ATRNL1: variants seen among roughly 807,000 people sequenced by gnomAD.
ATRNL1 encodes attractin-like protein 1.
A neutral mutation model predicts 182.7 loss-of-function variants in ATRNL1; 95 were observed. That is an observed-to-expected ratio of 0.52 (90% CI 0.44 to 0.62). ATRNL1 has a LOEUF of 0.62. Among genes scored for constraint, ATRNL1 ranks in the 20% least tolerant of loss-of-function variants. The pLI is 0.00. For missense variants in ATRNL1, 1,471 were observed against 1,679.5 expected (o/e 0.88, Z 2.17); for synonymous variants, 576 against 568.3 (o/e 1.01, Z -0.19).
chr10:115,197,141 T>C (rs1422079724), intron 8 of ATRNL1, among the ~76,000 whole-genome samples: 2 of 152,140 alleles, frequency 1.3e-5, no homozygotes, highest in African/African-American at 4.8e-5. Flanking sequence ...AAACTTTTGT[T>C]TTTTCATTTT....
At chr10:115,701,548 C>T (rs1180510073) in intron 26 of ATRNL1, among the ~76,000 whole-genome samples, 5 of 151,916 alleles carry the variant, frequency 3.3e-5, no homozygotes, top group Non-Finnish European at 5.9e-5. Context: ...GATTGATAGA[C>T]TGCTAGGTAG....
At chr10:115,518,787 A>G (rs1244659754) in intron 24 of ATRNL1, among the ~76,000 whole-genome samples, 1 of 151,912 alleles carries the variant, frequency 6.6e-6, no homozygotes, top group Non-Finnish European at 1.5e-5. Context: ...GGCTAGTTTC[A>G]CCTTTTAAAA....
intron 24 of ATRNL1, among the ~76,000 whole-genome samples, chr10:115,476,728 G>A (rs1409796672): frequency 1.3e-5 from 2 of 150,668 alleles, no homozygotes; most frequent in African/African-American, 4.9e-5. Flanking sequence ...TTTACATTCT[G>A]TATTTTTATC....
At chr10:115,876,833 T>C (rs1565454927) in intron 28 of ATRNL1, among the ~76,000 whole-genome samples, 1 of 152,226 alleles carries the variant, frequency 6.6e-6, no homozygotes. Flanking sequence ...TAACTATAAA[T>C]CTACCATGTT....
intron 26 of ATRNL1, among the ~76,000 whole-genome samples, chr10:115,693,492 TG>T (rs1316861222): frequency 6.6e-6 from 1 of 152,150 alleles, no homozygotes; most frequent in African/African-American, 2.4e-5. Flanking sequence ...CAAGCTGAAA[TG>T]TAAGACAATT....
chr10:115,155,181 A>G (rs938761692), intron 5 of ATRNL1, among the ~76,000 whole-genome samples: 12 of 150,722 alleles, frequency 8.0e-5, no homozygotes, highest in East Asian at 1.9e-4. Flanking sequence ...TTCAGCCTCT[A>G]TATGTCTTTA....
chr10:115,712,665 G>A (rs781021214), intron 26 of ATRNL1, among the ~76,000 whole-genome samples: 35 of 152,040 alleles, frequency 2.3e-4, no homozygotes, highest in Middle Eastern at 3.4e-3. Flanking sequence ...TCAGGAGTTC[G>A]AGACCAGCCT....
intron 26 of ATRNL1, among the ~76,000 whole-genome samples, chr10:115,675,799 A>T (rs1555042779): frequency 6.6e-6 from 1 of 152,082 alleles, no homozygotes; most frequent in East Asian, 1.9e-4. Context: ...ACATATATTC[A>T]ATTTAATTCT....
Position 115,727,323 on chromosome 10 carries a change from G to A in ATRNL1, c.3871G>A (p.Glu1291Lys). The change falls in exon 27 of 29, where the codon GAA becomes AAA. Residue 1291 changes from glutamate to lysine, a missense_variant. This residue lies in a region of ATRNL1 where 437 missense variants were observed against 506.0 expected (regional missense o/e 0.86). Coordinates refer to ENST00000355044, the MANE Select transcript of ATRNL1 (RefSeq NM_207303.4). ...TGATGTAGCTCTGGAAGTGGGAGCTGAACAAACAGAGTTTCTGCGAGGGCC... is the reference window on the plus strand; with the variant it reads ...TGATGTAGCTCTGGAAGTGGGAGCTAAACAAACAGAGTTTCTGCGAGGGCC... ...SVDVALEVGA[E>K]QTEFLRGPLE... The A allele has an allele frequency of 1.2e-6, 2 of 1,614,096 alleles. No homozygotes were observed. The highest frequency in any genetic ancestry group is 1.7e-6 in the Non-Finnish European group (2 of 1,179,978).
chr10:115,503,676 A>G (rs1565110777), intron 24 of ATRNL1, among the ~76,000 whole-genome samples: 1 of 152,004 alleles, frequency 6.6e-6, no homozygotes, highest in Non-Finnish European at 1.5e-5. Flanking sequence ...AGACAACTTT[A>G]TTATGTAAAA....
intron 26 of ATRNL1, among the ~76,000 whole-genome samples, chr10:115,693,308 C>G (rs1440741401): frequency 1.3e-5 from 2 of 152,014 alleles, no homozygotes; most frequent in Non-Finnish European, 2.9e-5. Context: ...TACCAATAGT[C>G]TAAGATTCTA....
intron 10 of ATRNL1, among the ~76,000 whole-genome samples, chr10:115,254,803 A>G (rs1186255337): frequency 3.3e-5 from 5 of 152,142 alleles, no homozygotes; most frequent in African/African-American, 9.6e-5. Flanking sequence ...ATCTTGAATT[A>G]ATTTTTGTAT....
At chr10:115,324,114 ACT>A (rs1406572807) in intron 18 of ATRNL1, among the ~76,000 whole-genome samples, 2 of 148,286 alleles carry the variant, frequency 1.3e-5, no homozygotes, top group South Asian at 4.3e-4. Context: ...GTTTAAATCA[ACT>A]CTCTCTCTTT....
chr10:115,467,902 G>T (rs17796469), intron 23 of ATRNL1, among the ~76,000 whole-genome samples: 24,605 of 150,186 alleles, frequency 0.16, 2,532 homozygotes, highest in South Asian at 0.24. Context: ...TCTATTTTCT[G>T]TATCAAAGGT....
At chr10:115,917,637 A>G (rs1353113637) in intron 28 of ATRNL1, among the ~76,000 whole-genome samples, 1 of 152,216 alleles carries the variant, frequency 6.6e-6, no homozygotes, top group Non-Finnish European at 1.5e-5. Context: ...AATGGATAAC[A>G]TCCTTACCAT....
intron 21 of ATRNL1, among the ~76,000 whole-genome samples, chr10:115,436,205 A>G (rs570730464): frequency 1.4e-4 from 21 of 152,262 alleles, no homozygotes; most frequent in African/African-American, 4.8e-4. Flanking sequence ...TTTCAAATGA[A>G]ACTAAATAGA....
At chr10:115,741,813 G>T (rs1593154802) in intron 27 of ATRNL1, among the ~76,000 whole-genome samples, 1 of 152,298 alleles carries the variant, frequency 6.6e-6, no homozygotes, top group East Asian at 1.9e-4. Flanking sequence ...ATATGTACTT[G>T]AACTCATGGG....
chr10:115,722,088 G>A lies in ATRNL1; in HGVS notation c.3796-5160G>A, dbSNP rs559673081. Among the ~76,000 whole-genome samples the A allele has an allele frequency of 7.9e-5, 12 of 152,186 alleles. No homozygotes were observed. The South Asian group carries it at 2.3e-3, about 29-fold the overall frequency. ...TACTTTGCAAGTTAATACAAATATT[G>A]CAAAAATACCATTTGACAAAGAAAT... On this transcript the variant is annotated intron_variant, in intron 26 of 28. Transcript: ENST00000355044.
intron 9 of ATRNL1, among the ~76,000 whole-genome samples, chr10:115,217,074 CATGT>C (rs1849263267): frequency 6.6e-6 from 1 of 151,898 alleles, no homozygotes; most frequent in Admixed American, 6.6e-5. Flanking sequence ...ACATTTTAAA[CATGT>C]ATTTAATTTA....
Sources: allele counts gnomAD v4.1 joint callset (sites outside exome capture counted in the v4.1 genomes callset), GRCh38; gene constraint gnomAD v4.1.1; regional missense constraint gnomAD v4.1.1; transcripts MANE v1.5; gene names NCBI Gene and HGNC (gene_info 2026-07-23, HGNC 2026-07-21).